The following CSMD1 variants were observed in gnomAD, a reference collection of about 807,000 sequenced individuals.
The protein encoded by CSMD1 is CUB and Sushi multiple domains 1, also known as CUB and sushi domain-containing protein 1.
CSMD1 carries 213 observed loss-of-function variants against 417.5 expected under a neutral mutation model. The ratio of observed to expected loss-of-function variants is 0.51; its 90% CI spans 0.46 to 0.57. The LOEUF is 0.57. Ranked by LOEUF, CSMD1 falls within the 20% of genes least tolerant of loss-of-function variation. The pLI, the probability that CSMD1 is intolerant of heterozygous loss-of-function variation, is 0.00. For synonymous variants in CSMD1, 2,862 were observed against 1,736.8 expected (o/e 1.65, Z -16.11); for missense variants, 6,923 against 4,529.7 (o/e 1.53, Z -15.17).
At chr8:3,980,792 G>T (rs1813801322) in intron 5 of CSMD1, among the ~76,000 whole-genome samples, 1 of 152,128 alleles carries the variant, frequency 6.6e-6, no homozygotes, top group South Asian at 2.1e-4. Context: ...TTAGACTGGG[G>T]ATACATACCC....
chr8:3,057,403 G>A (rs958043242), intron 49 of CSMD1, among the ~76,000 whole-genome samples: 1 of 152,060 alleles, frequency 6.6e-6, no homozygotes, highest in East Asian at 1.9e-4. Context: ...AACACCTTAG[G>A]AAACACTAAC....
At chr8:3,715,088 T>C (rs1801749429) in intron 6 of CSMD1, among the ~76,000 whole-genome samples, 1 of 152,208 alleles carries the variant, frequency 6.6e-6, no homozygotes, top group Non-Finnish European at 1.5e-5. Flanking sequence ...ATTTCTTCAT[T>C]AGATTTTTTT....
At chr8:3,721,067 C>A (rs1267583740) in intron 6 of CSMD1, among the ~76,000 whole-genome samples, 1 of 152,120 alleles carries the variant, frequency 6.6e-6, no homozygotes, top group African/African-American at 2.4e-5. Context: ...GGGTGATCTG[C>A]CCGCCTCGGC....
intron 25 of CSMD1, among the ~76,000 whole-genome samples, chr8:3,288,948 G>T (rs1351309260): frequency 6.8e-6 from 1 of 146,628 alleles, no homozygotes; most frequent in Non-Finnish European, 1.5e-5. Context: ...TTAACATTAG[G>T]TATATCTCCT....
intron 2 of CSMD1, among the ~76,000 whole-genome samples, chr8:4,594,875 G>T (rs970296516): frequency 6.6e-6 from 1 of 152,124 alleles, no homozygotes; most frequent in South Asian, 2.1e-4. Context: ...ATGCTGAAGA[G>T]AAATGACTCT....
intron 1 of CSMD1, among the ~76,000 whole-genome samples, chr8:4,934,844 A>C (rs1807501293): frequency 6.6e-6 from 1 of 152,032 alleles, no homozygotes; most frequent in African/African-American, 2.4e-5. Context: ...CCATCTATCA[A>C]TCAATCAATC....
At chr8:3,152,685 T>C (rs1471638796) in intron 39 of CSMD1, among the ~76,000 whole-genome samples, 3 of 152,240 alleles carry the variant, frequency 2.0e-5, no homozygotes, top group African/African-American at 7.2e-5. Context: ...TATATTTTTG[T>C]GGTGTGAGTC....
At chr8:4,757,391 A>G (rs1446808993) in intron 1 of CSMD1, among the ~76,000 whole-genome samples, 1 of 152,034 alleles carries the variant, frequency 6.6e-6, no homozygotes, top group Non-Finnish European at 1.5e-5. Context: ...ATACACAAAA[A>G]CTCGTTCATC....
intron 7 of CSMD1, among the ~76,000 whole-genome samples, chr8:3,650,604 C>G (rs546852203): frequency 6.6e-6 from 1 of 152,122 alleles, no homozygotes; most frequent in Admixed American, 6.5e-5. Context: ...ATGATGCTTG[C>G]CATGAATGTA....
At chr8:4,532,417 A>T (rs1196332945) in intron 2 of CSMD1, among the ~76,000 whole-genome samples, 4 of 149,078 alleles carry the variant, frequency 2.7e-5, no homozygotes, top group Non-Finnish European at 5.9e-5. Flanking sequence ...ACTCCGGAAA[A>T]TAAATCCTGC....
chr8:4,311,008 G>T (rs1403050799), intron 3 of CSMD1, among the ~76,000 whole-genome samples: 1 of 152,166 alleles, frequency 6.6e-6, no homozygotes, highest in African/African-American at 2.4e-5. Context: ...AATAGAAAGT[G>T]GCAAGGATGT....
At chr8:4,775,328 G>C (rs979760354) in intron 1 of CSMD1, among the ~76,000 whole-genome samples, 1 of 152,146 alleles carries the variant, frequency 6.6e-6, no homozygotes, top group Admixed American at 6.6e-5. Flanking sequence ...ATGTAGCAGT[G>C]AATAGATGGA....
intron 1 of CSMD1, among the ~76,000 whole-genome samples, chr8:4,962,608 C>A (rs1293774873): frequency 6.6e-6 from 1 of 152,112 alleles, no homozygotes; most frequent in Non-Finnish European, 1.5e-5. Context: ...TAAAGCACCC[C>A]AGATGCCAGT....
intron 5 of CSMD1, among the ~76,000 whole-genome samples, chr8:3,927,836 T>G (rs1403543192): frequency 6.6e-6 from 1 of 152,182 alleles, no homozygotes; most frequent in Non-Finnish European, 1.5e-5. Flanking sequence ...TCAGTGATGT[T>G]TGGCAGATAC....
intron 7 of CSMD1, among the ~76,000 whole-genome samples, chr8:3,638,766 C>G (rs1797167079): frequency 6.6e-6 from 1 of 152,104 alleles, no homozygotes; most frequent in Admixed American, 6.5e-5. Flanking sequence ...ACCAAACATA[C>G]CAAGAGAGAA....
At position 4,779,439 on chromosome 8, in the gene CSMD1, C is replaced by CCACAATGTA. The variant is rs539708210; in HGVS notation, c.86-141890_86-141882dup. 2.5e-3 allele frequency among the ~76,000 whole-genome samples: 376 copies of CCACAATGTA among 152,204 alleles called. 3 individuals carry two copies. The highest frequency in any genetic ancestry group is 8.3e-3 in the African/African-American group (345 of 41,506). The stretch of plus-strand genomic sequence containing the variant: ...TTACCCCTGTGAAAGAGAAAACTCA[C>CCACAATGTA]CACAATGTATATTTAATGAAGCTCA... On this transcript the variant is annotated intron_variant, in intron 1 of 69. Coordinates refer to ENST00000635120, the MANE Select transcript of CSMD1 (RefSeq NM_033225.6).
chr8:4,893,951 T>C (rs1804301815), intron 1 of CSMD1, among the ~76,000 whole-genome samples: 1 of 152,114 alleles, frequency 6.6e-6, no homozygotes, highest in Non-Finnish European at 1.5e-5. Flanking sequence ...TTGTAAAGCT[T>C]TTTGTCTTTT....
chr8:4,389,924 G>C (rs572505435), intron 3 of CSMD1, among the ~76,000 whole-genome samples: 208 of 152,178 alleles, frequency 1.4e-3, no homozygotes, highest in African/African-American at 5.0e-3. Context: ...ATAATTCTAG[G>C]ATGAATAGCT....
At chr8:3,837,485 G>T (rs547856585) in intron 5 of CSMD1, among the ~76,000 whole-genome samples, 1 of 152,096 alleles carries the variant, frequency 6.6e-6, no homozygotes, top group Admixed American at 6.6e-5. Flanking sequence ...ATGCTGAACA[G>T]CAGAAACAAG....
Sources: gnomAD v4.1 joint callset for allele counts (sites outside exome capture counted in the v4.1 genomes callset) on GRCh38, gnomAD v4.1.1 for gene constraint, MANE v1.5 for transcripts, NCBI Gene and HGNC (gene_info 2026-07-23, HGNC 2026-07-21) for gene names.